SLC9C1: variants seen among roughly 807,000 people sequenced by gnomAD.
SLC9C1 encodes solute carrier family 9 member C1.
SLC9C1 carries 97 observed loss-of-function variants against 140.9 expected under a neutral mutation model. The ratio of observed to expected loss-of-function variants is 0.69; its 90% confidence interval spans 0.58 to 0.82. The LOEUF (loss-of-function observed/expected upper bound fraction) is 0.82. Among genes scored for constraint, SLC9C1 ranks in the 40% least tolerant of loss-of-function variants. The pLI is 0.00. For missense variants in SLC9C1, 1,340 were observed against 1,389.3 expected (o/e 0.96, Z 0.56); for synonymous variants, 440 against 442.6 (o/e 0.99, Z 0.07).
intron 23 of SLC9C1, among the ~76,000 whole-genome samples, chr3:112,173,525 A>T (rs1200336180): frequency 6.6e-6 from 1 of 152,216 alleles, no homozygotes; most frequent in African/African-American, 2.4e-5. Context: ...AAATGAGAAC[A>T]TGCAGTATTT....
At chr3:112,243,154 T>A (rs563564846) in intron 11 of SLC9C1, among the ~76,000 whole-genome samples, 1 of 152,178 alleles carries the variant, frequency 6.6e-6, no homozygotes, top group Non-Finnish European at 1.5e-5. Context: ...CCATTCAAGC[T>A]AGCCACCCCA....
chr3:112,270,288 T>G (rs1484517953), intron 6 of SLC9C1, among the ~76,000 whole-genome samples: 2 of 152,158 alleles, frequency 1.3e-5, no homozygotes, highest in East Asian at 3.8e-4. Context: ...TATGGTAGAG[T>G]TCTACTTTTA....
chr3:112,161,478 T>C (rs1043816835), intron 26 of SLC9C1, among the ~76,000 whole-genome samples: 2 of 152,240 alleles, frequency 1.3e-5, no homozygotes, highest in Non-Finnish European at 1.5e-5. Flanking sequence ...CAGTTTCAGC[T>C]TTCTACATAT....
chr3:112,142,412 T>A (rs2107830257), intron 28 of SLC9C1, among the ~76,000 whole-genome samples: 2 of 152,336 alleles, frequency 1.3e-5, no homozygotes, highest in South Asian at 2.1e-4. Flanking sequence ...GTTGTACACA[T>A]TAGTCCAAAG....
rs746907644 is a variant in SLC9C1 at position 112,270,070 on chromosome 3, C to T, written c.621G>A (p.Glu207=). Residue 207 remains glutamate, a synonymous_variant, in exon 7 of 29, where the codon GAG becomes GAA. Coordinates refer to ENST00000305815, the MANE Select transcript of SLC9C1 (RefSeq NM_183061.3). ...TATATGAACAAATTCCACCCACGAT[C>T]TCTTCAGCTACAAGAAAGGGGCGTA... ...QSKRNHTLAE[E]IVGGICSYII... 7 of 1,558,714 alleles carry T rather than the reference C, an allele frequency of 4.5e-6. No homozygotes were observed. Among genetic ancestry groups the T allele is most frequent in the Admixed American group, 2.0e-5 (1 of 50,382 alleles).
At chr3:112,247,337 A>G (rs1188103400) in intron 10 of SLC9C1, among the ~76,000 whole-genome samples, 12 of 152,182 alleles carry the variant, frequency 7.9e-5, no homozygotes, top group Non-Finnish European at 1.8e-4. Flanking sequence ...AGCTGATACC[A>G]TCAAAAAAAC....
chr3:112,268,560 T>C (rs1284782389), intron 7 of SLC9C1, among the ~76,000 whole-genome samples: 1 of 152,234 alleles, frequency 6.6e-6, no homozygotes, highest in Non-Finnish European at 1.5e-5. Context: ...TAGTTATTGC[T>C]GGCTGATAAA....
chr3:112,157,076 C>A (rs1056232850), intron 26 of SLC9C1, among the ~76,000 whole-genome samples: 2 of 151,652 alleles, frequency 1.3e-5, no homozygotes, highest in African/African-American at 2.4e-5. Context: ...CTTTTGTGGT[C>A]TTAGGCAAAA....
In SLC9C1 at chr3:112,204,258, A is replaced by G. The variant is rs756624104; in HGVS notation, c.2132T>C (p.Ile711Thr). The change falls in exon 17 of 29, where the codon ATA (isoleucine) becomes ACA (threonine). Residue 711 changes from isoleucine (I) to threonine (T), a missense_variant. Ile to Thr is a moderately conservative substitution (Grantham distance 89, BLOSUM62 -1). Transcript: ENST00000305815. Reference sequence around the variant, plus strand: ...TATACGAAAAAATTGAACAACTTTTATAAAGACTATTACTTCAGTCTCATT... The same window carrying G: ...TATACGAAAAAATTGAACAACTTTTGTAAAGACTATTACTTCAGTCTCATT... ...IFNETEVIVFIKVVQFFRILR... is the reference protein window; with the variant it reads ...IFNETEVIVFTKVVQFFRILR... 2 of 1,517,592 alleles carry G rather than the reference A, an allele frequency of 1.3e-6. No homozygotes were observed. Among genetic ancestry groups the G allele is most frequent in the South Asian group, 2.7e-5 (2 of 73,810 alleles). The allele number at this position is 1,517,592 out of a possible 1,614,324, so 94.0% of individuals were successfully genotyped here.
chr3:112,208,408 G>T, intron 15 of SLC9C1, 35 bp from the exon 16 acceptor site: 1 of 1,365,228 alleles, frequency 7.3e-7, no homozygotes, highest in Non-Finnish European at 9.9e-7. Flanking sequence ...TCTGATAAAA[G>T]GTTTACATTA....
At chr3:112,243,693 CTT>C (rs59607744) in intron 11 of SLC9C1, among the ~76,000 whole-genome samples, 140,829 of 143,792 alleles carry the variant, frequency 0.98, 68,950 homozygotes, top group Non-Finnish European at 0.98. Context: ...TATATGGATT[CTT>C]TTTTTTTTTT....
rs1044703244 is a variant in SLC9C1 at position 112,267,882 on chromosome 3, G to A, written c.776-1542C>T. 4.6e-5 allele frequency among the ~76,000 whole-genome samples: 7 copies of A among 152,184 alleles called. No individual in the cohort carries two copies. In the East Asian group the frequency reaches 1.4e-3, roughly 29 times the overall value. On this transcript the variant is annotated intron_variant, in intron 7 of 28. Transcript: ENST00000305815. Reference sequence around the variant, plus strand: ...TAGGTATTATAACTTGTTAGGTGATGGTGAAGTCAGGAAAATATTTATAAT... The same window carrying A: ...TAGGTATTATAACTTGTTAGGTGATAGTGAAGTCAGGAAAATATTTATAAT...
chr3:112,220,275 G>C (rs1312565866), intron 14 of SLC9C1, among the ~76,000 whole-genome samples: 2 of 152,120 alleles, frequency 1.3e-5, no homozygotes, highest in Non-Finnish European at 1.5e-5. Context: ...ATGCAAATAT[G>C]CCCTAATTTC....
intron 10 of SLC9C1, among the ~76,000 whole-genome samples, chr3:112,247,767 A>G (rs1052956876): frequency 1.9e-4 from 5 of 26,418 alleles, no homozygotes; most frequent in Non-Finnish European, 4.0e-4. Context: ...ACATTTTATA[A>G]TATCAGAACT....
chr3:112,209,847 G>A (rs748685347), intron 15 of SLC9C1, among the ~76,000 whole-genome samples: 9 of 152,118 alleles, frequency 5.9e-5, no homozygotes, highest in Non-Finnish European at 1.3e-4. Flanking sequence ...TAAATAAAAG[G>A]TAAGACATTC....
chr3:112,244,185 G>T, intron 10 of SLC9C1, 109 bp from the exon 11 acceptor site: 1 of 629,314 alleles, frequency 1.6e-6, no homozygotes, highest in Non-Finnish European at 2.5e-6. Flanking sequence ...AAGCTAGGTT[G>T]TACTGTGTTA....
At chr3:112,146,540 G>T (rs1014850604) in intron 28 of SLC9C1, among the ~76,000 whole-genome samples, 3 of 152,100 alleles carry the variant, frequency 2.0e-5, no homozygotes, top group African/African-American at 7.2e-5. Flanking sequence ...AGTTGTTTTT[G>T]ATTTTTGCCT....
intron 5 of SLC9C1, among the ~76,000 whole-genome samples, chr3:112,275,976 A>G (rs1261450687): frequency 6.6e-6 from 1 of 152,078 alleles, no homozygotes; most frequent in African/African-American, 2.4e-5. Context: ...GTAGGAATAT[A>G]AGAGATACAA....
chr3:112,274,758 A>T, intron 6 of SLC9C1, 139 bp downstream of exon 6: 1 of 812,628 alleles, frequency 1.2e-6, no homozygotes, highest in Non-Finnish European at 1.7e-6. Flanking sequence ...AGTGCTTTGT[A>T]AAGAGTAAGT....
Sources: gnomAD v4.1 joint callset for allele counts (sites outside exome capture counted in the v4.1 genomes callset) on GRCh38, gnomAD v4.1.1 for gene constraint, MANE v1.5 for transcripts, NCBI Gene and HGNC (gene_info 2026-07-23, HGNC 2026-07-21) for gene names.